The following ANKS1B variants were observed in gnomAD, a reference collection of about 807,000 sequenced individuals.
ANKS1B encodes ankyrin repeat and sterile alpha motif domain containing 1B.
In ANKS1B, 36 loss-of-function variants were observed where a neutral mutation model predicts 148.3. The observed-to-expected ratio is 0.24, with a 90% CI of 0.19 to 0.32. ANKS1B has a LOEUF of 0.32. Among genes scored for constraint, ANKS1B ranks in the 10% least tolerant of loss-of-function variants. The pLI, the probability that ANKS1B is intolerant of heterozygous loss-of-function variation, is 1.00. For missense variants in ANKS1B, 1,157 were observed against 1,542.6 expected, an observed-to-expected ratio of 0.75 and a Z score of 4.19; for synonymous variants, 542 against 560.8, an observed-to-expected ratio of 0.97 and a Z score of 0.47.
chr12:99,390,381 G>A (rs1331265653), intron 12 of ANKS1B, among the ~76,000 whole-genome samples: 2 of 152,138 alleles, frequency 1.3e-5, no homozygotes, highest in East Asian at 3.9e-4. Context: ...TTAAAAATCA[G>A]AGTCCTGCTT....
intron 12 of ANKS1B, among the ~76,000 whole-genome samples, chr12:99,324,288 A>G (rs544468385): frequency 3.9e-5 from 6 of 152,142 alleles, no homozygotes; most frequent in Non-Finnish European, 7.4e-5. Flanking sequence ...ATCCATTTTA[A>G]TACTAATTTT....
intron 11 of ANKS1B, among the ~76,000 whole-genome samples, chr12:99,424,648 T>TAC (rs1594551481): frequency 7.1e-6 from 1 of 141,124 alleles, no homozygotes; most frequent in Non-Finnish European, 1.5e-5. Context: ...CACACACACA[T>TAC]ACACACACAC....
At chr12:99,961,374 C>T (rs1203866457) in intron 1 of ANKS1B, among the ~76,000 whole-genome samples, 1 of 152,168 alleles carries the variant, frequency 6.6e-6, no homozygotes, top group Non-Finnish European at 1.5e-5. Context: ...CACAAAATCG[C>T]TGAGGTAATA....
At chr12:99,945,337 C>T (rs1005830073) in intron 1 of ANKS1B, among the ~76,000 whole-genome samples, 1 of 129,844 alleles carries the variant, frequency 7.7e-6, no homozygotes, top group African/African-American at 3.1e-5. Context: ...ACAAGCTTGG[C>T]GTGTTTGTAA....
intron 12 of ANKS1B, among the ~76,000 whole-genome samples, chr12:99,335,887 G>C (rs1435438703): frequency 6.6e-6 from 1 of 152,050 alleles, no homozygotes; most frequent in Non-Finnish European, 1.5e-5. Context: ...TTAGCAATGG[G>C]ATTTCTGGAT....
At chr12:99,237,270 C>T (rs536585249) in intron 14 of ANKS1B, among the ~76,000 whole-genome samples, 3 of 152,092 alleles carry the variant, frequency 2.0e-5, no homozygotes, top group African/African-American at 4.8e-5. Context: ...CTGCCTTACA[C>T]TAAAATAGTC....
At chr12:99,291,712 C>A (rs1295886322) in intron 12 of ANKS1B, among the ~76,000 whole-genome samples, 2 of 152,092 alleles carry the variant, frequency 1.3e-5, no homozygotes, top group African/African-American at 4.8e-5. Flanking sequence ...AAAACTAGAA[C>A]CTATCTCTCA....
intron 12 of ANKS1B, among the ~76,000 whole-genome samples, chr12:99,385,657 C>T (rs117949560): frequency 0.02 from 3,082 of 152,140 alleles, 72 homozygotes; most frequent in Middle Eastern, 0.024. Flanking sequence ...GAGAACTTAA[C>T]ATAGTATTTA....
At chr12:99,034,398 C>A (rs957478807) in intron 17 of ANKS1B, among the ~76,000 whole-genome samples, 2 of 152,164 alleles carry the variant, frequency 1.3e-5, no homozygotes, top group Non-Finnish European at 2.9e-5. Context: ...TCATTTGCAG[C>A]CTGATCTCCT....
intron 12 of ANKS1B, among the ~76,000 whole-genome samples, chr12:99,372,588 A>G (rs2093196930): frequency 6.6e-6 from 1 of 152,166 alleles, no homozygotes; most frequent in Admixed American, 6.5e-5. Context: ...AATCCTAAAC[A>G]AGACTGTTAA....
intron 9 of ANKS1B, among the ~76,000 whole-genome samples, chr12:99,623,178 A>T (rs145820478): frequency 2.6e-5 from 4 of 152,088 alleles, no homozygotes; most frequent in African/African-American, 4.8e-5. Context: ...AGATGCAGAA[A>T]AAGCATTCAA....
chr12:98,748,363 C>T (rs1013701811), intron 26 of ANKS1B, among the ~76,000 whole-genome samples: 3 of 152,104 alleles, frequency 2.0e-5, no homozygotes, highest in African/African-American at 4.8e-5. Context: ...CGTCCCTGTG[C>T]GTACAAATAC....
At chr12:99,504,321 C>T (rs541070210) in intron 10 of ANKS1B, among the ~76,000 whole-genome samples, 155 bp downstream of exon 10, 2 of 152,254 alleles carry the variant, frequency 1.3e-5, no homozygotes, top group African/African-American at 4.8e-5. Flanking sequence ...TCTGACCTAC[C>T]TGGACTCACT....
At chr12:99,670,883 C>T (rs2098534811) in intron 8 of ANKS1B, among the ~76,000 whole-genome samples, 1 of 152,016 alleles carries the variant, frequency 6.6e-6, no homozygotes, top group Non-Finnish European at 1.5e-5. Context: ...TTAGGAAAGG[C>T]ATGGTGGGGA....
At chr12:99,741,960 A>G (rs1203920014) in intron 8 of ANKS1B, among the ~76,000 whole-genome samples, 1 of 152,148 alleles carries the variant, frequency 6.6e-6, no homozygotes, top group Non-Finnish European at 1.5e-5. Flanking sequence ...AGGGATATGG[A>G]TGGACCTAGA....
rs138196624 is a variant in ANKS1B, at chr12:99,857,627, C to T, written c.135-32238G>A. Among the ~76,000 whole-genome samples, 518 of 152,190 alleles carry T rather than the reference C, an allele frequency of 3.4e-3. 5 individuals are homozygous for T. The highest frequency in any genetic ancestry group is 0.012 in the African/African-American group (486 of 41,550). ...TACCTGGAGGCATCACATTACCCAA[C>T]CTCAAACTATACTAAAAGGCAATAG... On this transcript the variant is annotated intron_variant, in intron 1 of 26. Coordinates refer to ENST00000683438, the MANE Select transcript of ANKS1B (RefSeq NM_001352186.2).
chr12:98,776,768 C>A (rs966609016), intron 24 of ANKS1B, among the ~76,000 whole-genome samples: 1 of 152,230 alleles, frequency 6.6e-6, no homozygotes, highest in African/African-American at 2.4e-5. Context: ...CCCTCCAGGG[C>A]GGGGCCAACA....
At chr12:98,836,813 T>A (rs2099366132) in intron 17 of ANKS1B, among the ~76,000 whole-genome samples, 1 of 152,190 alleles carries the variant, frequency 6.6e-6, no homozygotes. Context: ...TATTGGAGAT[T>A]CAGTTATTCT....
At chr12:99,044,450 G>T (rs1309878140) in intron 17 of ANKS1B, among the ~76,000 whole-genome samples, 1 of 151,424 alleles carries the variant, frequency 6.6e-6, no homozygotes, top group Non-Finnish European at 1.5e-5. Context: ...ATGAGGGTTT[G>T]GACAAGGCTG....
Sources: gnomAD v4.1 joint callset for allele counts (sites outside exome capture counted in the v4.1 genomes callset) on GRCh38, gnomAD v4.1.1 for gene constraint, MANE v1.5 for transcripts, NCBI Gene and HGNC (gene_info 2026-07-23, HGNC 2026-07-21) for gene names.